The following ARHGEF28 variants were observed in gnomAD, a reference collection of about 807,000 sequenced individuals.
ARHGEF28 encodes 190 kDa guanine nucleotide exchange factor.
A neutral mutation model predicts 206.6 loss-of-function variants in ARHGEF28; 152 were observed. That is an observed-to-expected ratio of 0.74 (90% CI 0.64 to 0.84). The LOEUF is 0.84. Ranked by LOEUF, ARHGEF28 falls within the 40% of genes least tolerant of loss-of-function variation. The probability of loss-of-function intolerance (pLI) is 0.00; values close to 1 mark genes in which losing one functional copy is unlikely to be tolerated. For synonymous variants in ARHGEF28, 763 were observed against 776.4 expected (o/e 0.98, Z 0.29); for missense variants, 2,028 against 2,073.2 (o/e 0.98, Z 0.42).
At chr5:73,738,081 G>A (rs1751120780) in intron 2 of ARHGEF28, among the ~76,000 whole-genome samples, 1 of 152,218 alleles carries the variant, frequency 6.6e-6, no homozygotes, top group Non-Finnish European at 1.5e-5. Context: ...GATGCTGTCG[G>A]GGTGGGTGCT....
At chr5:73,653,549 T>C (rs184059364) in intron 1 of ARHGEF28, among the ~76,000 whole-genome samples, 32 of 152,330 alleles carry the variant, frequency 2.1e-4, no homozygotes, top group Non-Finnish European at 4.4e-4. Flanking sequence ...CTTGCTTATG[T>C]CTCTCGTCTC....
In ARHGEF28 at chr5:73,801,585, C is replaced by T. The variant is rs183076153; in HGVS notation, c.1024+6194C>T. Among the ~76,000 whole-genome samples, 263 of 152,234 alleles carry T rather than the reference C, an allele frequency of 1.7e-3. 1 individual carries two copies. The highest frequency in any genetic ancestry group is 5.7e-3 in the African/African-American group (238 of 41,526). ...AACACATGTGTATCTAGACTGAAACCGCAAGAATGTTTCGTGAAACATGGG... is the reference window on the plus strand; with the variant it reads ...AACACATGTGTATCTAGACTGAAACTGCAAGAATGTTTCGTGAAACATGGG... On this transcript the variant is annotated intron_variant, in intron 9 of 35. Coordinates refer to ENST00000513042, the MANE Select transcript of ARHGEF28 (RefSeq NM_001177693.2).
chr5:73,637,584 T>C (rs1743805361), intron 1 of ARHGEF28, among the ~76,000 whole-genome samples: 1 of 152,268 alleles, frequency 6.6e-6, no homozygotes, highest in African/African-American at 2.4e-5. Context: ...TTTTACTTGC[T>C]GAGTGTAGGG....
intron 30 of ARHGEF28, 46 bp downstream of exon 30, chr5:73,898,139 T>C: frequency 6.3e-7 from 1 of 1,596,938 alleles, no homozygotes. Context: ...GCACAGTCCC[T>C]GGAGCTTACA....
chr5:73,825,444 C>T (rs767827622), intron 9 of ARHGEF28, among the ~76,000 whole-genome samples: 13 of 152,050 alleles, frequency 8.5e-5, no homozygotes, highest in South Asian at 4.2e-4. Context: ...GCAGGGCTTC[C>T]GAGAGGCTGG....
intron 1 of ARHGEF28, among the ~76,000 whole-genome samples, chr5:73,635,817 C>T (rs1459333546): frequency 1.3e-5 from 2 of 152,198 alleles, no homozygotes; most frequent in Non-Finnish European, 2.9e-5. Flanking sequence ...TAGCAGGATT[C>T]AGCTGGCCAT....
intron 1 of ARHGEF28, among the ~76,000 whole-genome samples, chr5:73,628,300 T>A (rs531313115): frequency 1.3e-4 from 20 of 152,146 alleles, no homozygotes; most frequent in Non-Finnish European, 2.6e-4. Flanking sequence ...TACTATTACT[T>A]CTATATTAAA....
chr5:73,736,058 C>CT (rs1464700745), intron 2 of ARHGEF28, among the ~76,000 whole-genome samples: 2 of 152,224 alleles, frequency 1.3e-5, no homozygotes, highest in East Asian at 3.8e-4. Flanking sequence ...TTCATACCAT[C>CT]TGTGCCTAAC....
At chr5:73,688,975 C>A (rs965150599) in intron 2 of ARHGEF28, among the ~76,000 whole-genome samples, 10 of 152,134 alleles carry the variant, frequency 6.6e-5, no homozygotes, top group Non-Finnish European at 1.5e-4. Flanking sequence ...TCTTTGTTTT[C>A]CACTTAAGTT....
intron 1 of ARHGEF28, among the ~76,000 whole-genome samples, chr5:73,638,152 A>G (rs1043634743): frequency 6.6e-6 from 1 of 152,248 alleles, no homozygotes; most frequent in African/African-American, 2.4e-5. Flanking sequence ...ACTTGCTGCT[A>G]ATAATTTTTT....
intron 11 of ARHGEF28, among the ~76,000 whole-genome samples, chr5:73,842,072 A>G (rs1244633136): frequency 6.6e-6 from 1 of 152,184 alleles, no homozygotes; most frequent in East Asian, 1.9e-4. Flanking sequence ...GTGTGTCCAT[A>G]TCTGTATATC....
chr5:73,658,583 A>T (rs1745376499), intron 1 of ARHGEF28, among the ~76,000 whole-genome samples: 1 of 152,176 alleles, frequency 6.6e-6, no homozygotes, highest in Admixed American at 6.5e-5. Flanking sequence ...TGTTGATTTC[A>T]AAGTAGAGAG....
At chr5:73,831,249 G>A (rs1757283510) in intron 9 of ARHGEF28, among the ~76,000 whole-genome samples, 1 of 152,154 alleles carries the variant, frequency 6.6e-6, no homozygotes, top group African/African-American at 2.4e-5. Flanking sequence ...ATAGTAATCT[G>A]CTTTTATGGA....
intron 11 of ARHGEF28, among the ~76,000 whole-genome samples, chr5:73,841,712 G>GAAAAAAAAAAAAAAAAGAGAAAAAAAA (rs1757999951): frequency 1.8e-5 from 2 of 110,826 alleles, no homozygotes; most frequent in African/African-American, 7.4e-5. Flanking sequence ...TCAAAAAGAA[G>GAAAAAAAAAAAAAAAAGAGAAAAAAAA]AAAAAAAAAA....
At chr5:73,722,601 A>G (rs1215825012) in intron 2 of ARHGEF28, among the ~76,000 whole-genome samples, 3 of 152,238 alleles carry the variant, frequency 2.0e-5, no homozygotes, top group Admixed American at 6.5e-5. Flanking sequence ...GGGTGTGGAT[A>G]TTCTTACTCC....
chr5:73,646,374 A>G (rs1036648203), intron 1 of ARHGEF28, among the ~76,000 whole-genome samples: 3 of 152,224 alleles, frequency 2.0e-5, no homozygotes, highest in African/African-American at 7.2e-5. Flanking sequence ...CTCCTTGAGT[A>G]GGATCCTCAG....
chr5:73,699,495 G>A lies in ARHGEF28; in HGVS notation c.33+14611G>A, dbSNP rs147455383. ...GGTATACACCATGTCAAAGACTTAC[G>A]GTTGCCTTTTATAAAGTTGCCAAAG... On this transcript the variant is annotated intron_variant, in intron 2 of 35. Transcript: ENST00000513042. 3.9e-5 allele frequency among the ~76,000 whole-genome samples: 6 copies of A among 152,206 alleles called. No homozygotes were observed. In the East Asian group the frequency reaches 5.8e-4, roughly 15 times the overall value.
At chr5:73,933,239 A>C (rs1764233526) in intron 35 of ARHGEF28, among the ~76,000 whole-genome samples, 1 of 152,222 alleles carries the variant, frequency 6.6e-6, no homozygotes. Context: ...GAAGCTATAA[A>C]ATGAAATATT....
intron 3 of ARHGEF28, among the ~76,000 whole-genome samples, chr5:73,750,734 C>T (rs1751978164): frequency 6.6e-6 from 1 of 152,158 alleles, no homozygotes; most frequent in Non-Finnish European, 1.5e-5. Flanking sequence ...TCATTACCTA[C>T]AGGACAGGGA....
Sources: gnomAD v4.1 joint callset for allele counts (sites outside exome capture counted in the v4.1 genomes callset) on GRCh38, gnomAD v4.1.1 for gene constraint, MANE v1.5 for transcripts, NCBI Gene and HGNC (gene_info 2026-07-23, HGNC 2026-07-21) for gene names.